SORCS2: variants seen among roughly 807,000 people sequenced by gnomAD.
The protein encoded by SORCS2 is sortilin related VPS10 domain containing receptor 2.
In SORCS2, 100 loss-of-function variants were observed where a neutral mutation model predicts 141.6. That is an observed-to-expected ratio of 0.71 (90% CI 0.60 to 0.83). The LOEUF is 0.83. SORCS2 is among the 40% of genes least tolerant of loss of function. The pLI is 0.00. For missense variants in SORCS2, 1,646 were observed against 1,560.2 expected, an observed-to-expected ratio of 1.05 and a Z score of -0.93; for synonymous variants, 789 against 676.9, an observed-to-expected ratio of 1.17 and a Z score of -2.57.
chr4:7,273,054 C>T (rs528221214), intron 1 of SORCS2, among the ~76,000 whole-genome samples: 1 of 152,244 alleles, frequency 6.6e-6, no homozygotes, highest in African/African-American at 2.4e-5. Flanking sequence ...GCTGCTACCT[C>T]TCCATGTGCC....
chr4:7,282,521 T>C (rs1022886127), intron 1 of SORCS2, among the ~76,000 whole-genome samples: 6 of 152,204 alleles, frequency 3.9e-5, no homozygotes, highest in African/African-American at 1.4e-4. Context: ...AATGAGGATG[T>C]AGCTGTATAT....
rs1448534997 is a variant in SORCS2 at position 7,379,764 on chromosome 4, A to G, written c.481-16524A>G. 2.6e-5 allele frequency among the ~76,000 whole-genome samples: 4 copies of G among 152,190 alleles called. No individual in the cohort carries two copies. The East Asian group carries it at 7.7e-4, about 29-fold the overall frequency. ...GGAAATATGTTGCTTTGTTTGTCAG[A>G]TTTATTCCAAGACCTCTATGAAGGG... On this transcript the variant is annotated intron_variant, in intron 1 of 26. Transcript: ENST00000507866.
intron 3 of SORCS2, among the ~76,000 whole-genome samples, chr4:7,625,913 C>G (rs561453268): frequency 1.0e-3 from 154 of 152,136 alleles, no homozygotes; most frequent in Non-Finnish European, 1.2e-3. Flanking sequence ...CCAAGGCAGG[C>G]GGATTGCTTG....
chr4:7,314,248 C>T (rs933732702), intron 1 of SORCS2, among the ~76,000 whole-genome samples: 8 of 152,078 alleles, frequency 5.3e-5, no homozygotes, highest in South Asian at 2.1e-4. Context: ...ACACGGAGAA[C>T]GAGGCAGCGG....
intron 1 of SORCS2, among the ~76,000 whole-genome samples, chr4:7,308,373 T>C (rs1438931939): frequency 6.6e-6 from 1 of 152,300 alleles, no homozygotes; most frequent in East Asian, 1.9e-4. Flanking sequence ...TGGTCACCTT[T>C]CCAGGGGGCA....
chr4:7,517,068 G>A (rs1322960601), intron 2 of SORCS2, among the ~76,000 whole-genome samples: 2 of 152,214 alleles, frequency 1.3e-5, no homozygotes. Context: ...ACACAGGCGT[G>A]ACTGAGGGGA....
rs1299866089 is a variant in SORCS2, at chr4:7,676,057, A to G, written c.1169A>G (p.Gln390Arg). The change falls in exon 9 of 27, where the codon CAG becomes CGG. Residue 390 changes from glutamine to arginine, a missense_variant. By Grantham distance (43) the Gln-to-Arg change is conservative. Coordinates refer to ENST00000507866, the MANE Select transcript of SORCS2 (RefSeq NM_020777.3). Reference protein sequence around the residue: ...LPKYALPKDLQIISTDESQVF... With the variant: ...LPKYALPKDLRIISTDESQVF... ...CCCTGCACATCCCCACAGGATCTGC[A>G]GATCATCAGCACGGACGAGAGTCAG... 2 of 1,582,434 alleles carry G rather than the reference A, an allele frequency of 1.3e-6. No individual in the cohort carries two copies. The highest frequency in any genetic ancestry group is 4.6e-5 in the East Asian group (2 of 43,142).
At chr4:7,656,216 C>G (rs1336510988) in intron 5 of SORCS2, among the ~76,000 whole-genome samples, 1 of 152,182 alleles carries the variant, frequency 6.6e-6, no homozygotes, top group Non-Finnish European at 1.5e-5. Context: ...AGCAAGCAAG[C>G]TCATTAGAGT....
intron 3 of SORCS2, among the ~76,000 whole-genome samples, chr4:7,565,347 G>A (rs998601408): frequency 3.0e-4 from 46 of 152,104 alleles, no homozygotes; most frequent in African/African-American, 1.1e-3. Context: ...AGATGATGAG[G>A]ATAATGCAGA....
Position 7,531,543 on chromosome 4 carries a change from G to C in SORCS2, c.562G>C (p.Gly188Arg). The change falls in exon 3 of 27, where the codon GGG becomes CGG. Residue 188 changes from glycine (G) to arginine (R), a missense_variant. Transcript: ENST00000507866. ...ESSLWRSSDFGTSYTKLTLQP... is the reference protein window; with the variant it reads ...ESSLWRSSDFRTSYTKLTLQP... ...CTTTTCCCCCAGGTCATCAGATTTC[G>C]GGACGTCCTACACCAAGCTCACCCT... is the stretch of plus-strand genomic sequence containing the variant. 1 of 1,613,752 alleles carries C rather than the reference G, an allele frequency of 6.2e-7. No individual in the cohort carries two copies. Among genetic ancestry groups the C allele is most frequent in the Non-Finnish European group, 8.5e-7 (1 of 1,179,786 alleles).
At chr4:7,385,713 A>G (rs2109079930) in intron 1 of SORCS2, among the ~76,000 whole-genome samples, 1 of 152,334 alleles carries the variant, frequency 6.6e-6, no homozygotes, top group South Asian at 2.1e-4. Flanking sequence ...GGTGAGGGAC[A>G]GACGCCAGCT....
intron 2 of SORCS2, among the ~76,000 whole-genome samples, chr4:7,435,561 G>C (rs1727242471): frequency 6.6e-6 from 1 of 152,262 alleles, no homozygotes; most frequent in South Asian, 2.1e-4. Context: ...TGCAAACTCA[G>C]GTCCTCGAGC....
intron 2 of SORCS2, among the ~76,000 whole-genome samples, chr4:7,497,206 T>A (rs921000789): frequency 6.6e-6 from 1 of 152,196 alleles, no homozygotes; most frequent in Admixed American, 6.5e-5. Flanking sequence ...TGTTGGTGCA[T>A]TTAAGGGCTA....
At chr4:7,383,890 C>T (rs1004982750) in intron 1 of SORCS2, among the ~76,000 whole-genome samples, 2 of 152,206 alleles carry the variant, frequency 1.3e-5, no homozygotes, top group African/African-American at 4.8e-5. Flanking sequence ...GTGGAAAAGT[C>T]TACCAAGACC....
chr4:7,477,327 T>C (rs78086742), intron 2 of SORCS2, among the ~76,000 whole-genome samples: 1 of 21,842 alleles, frequency 4.6e-5, no homozygotes, highest in Non-Finnish European at 1.4e-4. Flanking sequence ...CATGGCTGAC[T>C]GGGGCTGTCC....
At chr4:7,550,414 CA>C (rs1314512997) in intron 3 of SORCS2, among the ~76,000 whole-genome samples, 1 of 152,208 alleles carries the variant, frequency 6.6e-6, no homozygotes, top group African/African-American at 2.4e-5. Flanking sequence ...CCTGGGACTC[CA>C]AGGTGCTCTG....
At chr4:7,610,921 A>G (rs1577837268) in intron 3 of SORCS2, among the ~76,000 whole-genome samples, 1 of 152,202 alleles carries the variant, frequency 6.6e-6, no homozygotes, top group South Asian at 2.1e-4. Flanking sequence ...GGTGCCAGGG[A>G]CTTTCAGATT....
In SORCS2 at chr4:7,331,700, A is replaced by C. The variant is rs190408374; in HGVS notation, c.481-64588A>C. The stretch of plus-strand genomic sequence containing the variant: ...CATTCTGATTCAGTGGGTCGGGGTG[A>C]AGCAGGAAAGTCTGTTTCTAACGAG... On this transcript the variant is annotated intron_variant, in intron 1 of 26. Transcript: ENST00000507866. 2.0e-5 allele frequency among the ~76,000 whole-genome samples: 3 copies of C among 152,264 alleles called. No individual in the cohort carries two copies. In the East Asian group the frequency reaches 5.8e-4, roughly 29 times the overall value.
chr4:7,398,322 C>A (rs567157727), intron 2 of SORCS2, among the ~76,000 whole-genome samples: 11 of 152,312 alleles, frequency 7.2e-5, no homozygotes, highest in African/African-American at 2.4e-4. Flanking sequence ...TCCTTCTGCT[C>A]CAGAGAGCCT....
Sources: allele counts gnomAD v4.1 joint callset (sites outside exome capture counted in the v4.1 genomes callset), GRCh38; gene constraint gnomAD v4.1.1; transcripts MANE v1.5; gene names NCBI Gene and HGNC (gene_info 2026-07-23, HGNC 2026-07-21).